Variants in ADAMTS18 observed in about 807,000 individuals in gnomAD.
ADAMTS18 encodes ADAM metallopeptidase with thrombospondin type 1 motif 18.
ADAMTS18 carries 157 observed loss-of-function variants against 165.9 expected under a neutral mutation model. The observed-to-expected ratio is 0.95, with a 90% CI of 0.83 to 1.08. The LOEUF (loss-of-function observed/expected upper bound fraction) is 1.08. ADAMTS18 is among the 50% of genes least tolerant of loss of function. ADAMTS18 has a pLI of 0.00. For missense variants in ADAMTS18, 2,040 were observed against 1,534.0 expected, an observed-to-expected ratio of 1.33 and a Z score of -5.51; for synonymous variants, 782 against 578.2, an observed-to-expected ratio of 1.35 and a Z score of -5.06.
At chr16:77,398,451 C>T (rs2057286980) in intron 3 of ADAMTS18, among the ~76,000 whole-genome samples, 1 of 152,146 alleles carries the variant, frequency 6.6e-6, no homozygotes. Flanking sequence ...TTCCAGAAGG[C>T]AGTGATCAAA....
intron 16 of ADAMTS18, among the ~76,000 whole-genome samples, chr16:77,314,679 G>T (rs1219567014): frequency 7.6e-6 from 1 of 130,906 alleles, no homozygotes; most frequent in East Asian, 2.2e-4. Flanking sequence ...ATATACATAC[G>T]ATTGATAGAT....
intron 21 of ADAMTS18, chr16:77,290,908 A>C: frequency 3.5e-6 from 1 of 283,282 alleles, no homozygotes; most frequent in Non-Finnish European, 6.8e-6. Context: ...CAAATGAGTA[A>C]AGGCTGTGAG....
At chr16:77,394,475 G>C (rs781689912) in intron 3 of ADAMTS18, among the ~76,000 whole-genome samples, 7 of 152,174 alleles carry the variant, frequency 4.6e-5, no homozygotes, top group Non-Finnish European at 8.8e-5. Context: ...TTAGTTATTA[G>C]TGTTAATGGA....
intron 21 of ADAMTS18, among the ~76,000 whole-genome samples, chr16:77,290,234 A>G (rs1439592466): frequency 6.6e-6 from 1 of 152,190 alleles, no homozygotes; most frequent in Non-Finnish European, 1.5e-5. Flanking sequence ...TTCAGGCTGT[A>G]TAGGCATACG....
chr16:77,427,721 T>C (rs1400105265), intron 3 of ADAMTS18, among the ~76,000 whole-genome samples: 1 of 152,238 alleles, frequency 6.6e-6, no homozygotes, highest in Non-Finnish European at 1.5e-5. Context: ...CCCTGTTTCA[T>C]GAATGAATTA....
intron 3 of ADAMTS18, among the ~76,000 whole-genome samples, chr16:77,397,686 T>G (rs944599811): frequency 6.6e-6 from 1 of 152,246 alleles, no homozygotes; most frequent in Non-Finnish European, 1.5e-5. Flanking sequence ...GTAGCAGACA[T>G]GTGCTTTGTT....
At position 77,328,330 on chromosome 16, in the gene ADAMTS18, T is replaced by C. The variant is rs188837358; in HGVS notation, c.1860-2292A>G. On this transcript the variant is annotated intron_variant, in intron 12 of 22. Transcript: ENST00000282849. Reference sequence around the variant, plus strand: ...CAAAACTCAACTATGGATCATCTTGTATAACATGAAAGGCGGCTCCAGGTT... The same window carrying C: ...CAAAACTCAACTATGGATCATCTTGCATAACATGAAAGGCGGCTCCAGGTT... 4.7e-4 allele frequency among the ~76,000 whole-genome samples: 72 copies of C among 152,238 alleles called. 1 individual carries two copies. Among genetic ancestry groups the C allele is most frequent in the African/African-American group, 1.7e-3 (70 of 41,542 alleles).
intron 3 of ADAMTS18, among the ~76,000 whole-genome samples, chr16:77,381,905 T>TC (rs1004426012): frequency 2.6e-5 from 4 of 152,112 alleles, no homozygotes; most frequent in African/African-American, 7.2e-5. Flanking sequence ...TGAGAAAGCT[T>TC]CCCCCATGGA....
chr16:77,416,365 G>A (rs528822555), intron 3 of ADAMTS18, among the ~76,000 whole-genome samples: 17 of 152,220 alleles, frequency 1.1e-4, no homozygotes, highest in Admixed American at 3.3e-4. Context: ...ATACTGATAC[G>A]GTTGGGCTAT....
intron 7 of ADAMTS18, among the ~76,000 whole-genome samples, chr16:77,360,485 A>G (rs2056696584): frequency 6.6e-6 from 1 of 151,298 alleles, no homozygotes; most frequent in African/African-American, 2.5e-5. Flanking sequence ...TCCACAGTTG[A>G]TAGAATTTCT....
chr16:77,361,912 A>T (rs188178148), intron 7 of ADAMTS18, among the ~76,000 whole-genome samples, 193 bp downstream of exon 7: 7 of 152,244 alleles, frequency 4.6e-5, no homozygotes, highest in Admixed American at 4.6e-4. Context: ...AAATGAATAA[A>T]CTAAGTGGGC....
At chr16:77,299,164 G>A (rs2055533331) in intron 17 of ADAMTS18, among the ~76,000 whole-genome samples, 1 of 152,220 alleles carries the variant, frequency 6.6e-6, no homozygotes, top group African/African-American at 2.4e-5. Context: ...CATGATTTCA[G>A]TACAGAGGGA....
intron 12 of ADAMTS18, among the ~76,000 whole-genome samples, chr16:77,329,389 C>T (rs560105978): frequency 6.6e-6 from 1 of 152,136 alleles, no homozygotes; most frequent in African/African-American, 2.4e-5. Context: ...AAGCATGATC[C>T]ATCAAACATG....
intron 16 of ADAMTS18, among the ~76,000 whole-genome samples, chr16:77,303,601 A>G (rs545922226): frequency 1.3e-5 from 2 of 150,728 alleles, no homozygotes; most frequent in African/African-American, 4.9e-5. Flanking sequence ...AGCCACCATC[A>G]TGTCTCTTGT....
At chr16:77,292,200 G>A (rs535926291) in intron 20 of ADAMTS18, among the ~76,000 whole-genome samples, 3 of 151,958 alleles carry the variant, frequency 2.0e-5, no homozygotes, top group East Asian at 1.9e-4. Context: ...CCTCTAGTCC[G>A]AGGCAGCAGA....
At chr16:77,373,184 C>A (rs947475066) in intron 3 of ADAMTS18, among the ~76,000 whole-genome samples, 1 of 152,158 alleles carries the variant, frequency 6.6e-6, no homozygotes, top group Non-Finnish European at 1.5e-5. Flanking sequence ...GCCGTACTCA[C>A]GACCCTATTG....
At chr16:77,287,234 T>A (rs1214942549) in intron 22 of ADAMTS18, among the ~76,000 whole-genome samples, 1 of 152,132 alleles carries the variant, frequency 6.6e-6, no homozygotes, top group Non-Finnish European at 1.5e-5. Flanking sequence ...GGAATCTTCT[T>A]CCGTCACCAT....
At chr16:77,285,079 A>G (rs1408922498) in intron 22 of ADAMTS18, among the ~76,000 whole-genome samples, 1 of 152,174 alleles carries the variant, frequency 6.6e-6, no homozygotes, top group Non-Finnish European at 1.5e-5. Flanking sequence ...ACTGTACATC[A>G]AGAATTCTTA....
rs558623326 is a variant in ADAMTS18 at position 77,311,081 on chromosome 16, G to A, written c.2532+8768C>T. ...TTTAGCTAAGATATGGGAAGAATAT[G>A]ATGTCATACATATGAAAGGGAAAAA... On this transcript the variant is annotated intron_variant, in intron 16 of 22. Coordinates refer to ENST00000282849, the MANE Select transcript of ADAMTS18 (RefSeq NM_199355.4). Among the ~76,000 whole-genome samples, 3 of 151,752 alleles carry A rather than the reference G, an allele frequency of 2.0e-5. No individual in the cohort carries two copies. The East Asian group carries it at 5.8e-4, about 29-fold the overall frequency.
Sources: gnomAD v4.1 joint callset for allele counts (sites outside exome capture counted in the v4.1 genomes callset) on GRCh38, gnomAD v4.1.1 for gene constraint, MANE v1.5 for transcripts, NCBI Gene and HGNC (gene_info 2026-07-23, HGNC 2026-07-21) for gene names.